LDB2: variants seen among roughly 807,000 people sequenced by gnomAD.
LDB2 encodes LIM domain binding 2, also known as LIM domain-binding protein 2.
LDB2 carries 12 observed loss-of-function variants against 44.3 expected under a neutral mutation model. The observed-to-expected ratio is 0.27, with a 90% CI of 0.17 to 0.44. LDB2 has a LOEUF of 0.44. Ranked by LOEUF, LDB2 falls within the 20% of genes least tolerant of loss-of-function variation. LDB2 has a pLI of 1.00. For synonymous variants in LDB2, 164 were observed against 174.8 expected, an observed-to-expected ratio of 0.94 and a Z score of 0.49; for missense variants, 344 against 473.5, an observed-to-expected ratio of 0.73 and a Z score of 2.54.
intron 6 of LDB2, 70 bp downstream of exon 6, chr4:16,511,911 C>A (rs1021974817): frequency 1.3e-6 from 2 of 1,500,988 alleles, no homozygotes; most frequent in South Asian, 1.3e-5. Flanking sequence ...TCTTCTTTTT[C>A]ACATCACTTC....
At chr4:16,698,846 A>G (rs62298947) in intron 2 of LDB2, among the ~76,000 whole-genome samples, 1,663 of 152,314 alleles carry the variant, frequency 0.011, 19 homozygotes, top group Non-Finnish European at 0.018. Flanking sequence ...CAAGCATCTT[A>G]GTGATCTTCT....
At chr4:16,844,439 A>G (rs759813651) in intron 1 of LDB2, among the ~76,000 whole-genome samples, 3 of 152,092 alleles carry the variant, frequency 2.0e-5, no homozygotes, top group African/African-American at 7.2e-5. Context: ...CTGGAAAAGG[A>G]ACTTCTAAAC....
intron 7 of LDB2, chr4:16,503,135 C>A (rs1250002472): frequency 6.5e-7 from 1 of 1,535,370 alleles, no homozygotes; most frequent in Non-Finnish European, 8.7e-7. Flanking sequence ...TAGCAATCTG[C>A]AGAAATAAAA....
At chr4:16,568,311 C>A (rs2152393893) in intron 5 of LDB2, among the ~76,000 whole-genome samples, 1 of 152,232 alleles carries the variant, frequency 6.6e-6, no homozygotes, top group South Asian at 2.1e-4. Flanking sequence ...TCCTTAGTTT[C>A]AGATATCGAG....
chr4:16,897,402 C>T (rs921790974), intron 1 of LDB2, among the ~76,000 whole-genome samples: 5 of 152,142 alleles, frequency 3.3e-5, no homozygotes, highest in Non-Finnish European at 1.5e-5. Context: ...ACACAAAGCC[C>T]CAACTTACAG....
chr4:16,856,661 A>G (rs562358970), intron 1 of LDB2, among the ~76,000 whole-genome samples: 16 of 152,268 alleles, frequency 1.1e-4, no homozygotes, highest in African/African-American at 3.9e-4. Flanking sequence ...CTGTAATTCT[A>G]CCCTTAAGTA....
intron 2 of LDB2, among the ~76,000 whole-genome samples, chr4:16,699,392 T>C (rs553774593): frequency 6.6e-6 from 1 of 152,352 alleles, no homozygotes; most frequent in Non-Finnish European, 1.5e-5. Flanking sequence ...CCTGATGATA[T>C]TGTCAAGTAA....
At chr4:16,795,267 G>A (rs1218021960) in intron 1 of LDB2, among the ~76,000 whole-genome samples, 1 of 152,206 alleles carries the variant, frequency 6.6e-6, no homozygotes, top group Non-Finnish European at 1.5e-5. Flanking sequence ...CAGAAAGAGA[G>A]CCTGTGGTGG....
chr4:16,848,397 T>C (rs1021686644), intron 1 of LDB2, among the ~76,000 whole-genome samples: 2 of 152,218 alleles, frequency 1.3e-5, no homozygotes, highest in African/African-American at 4.8e-5. Context: ...AAATCTTGAG[T>C]ATTCACATAT....
At chr4:16,620,322 T>G (rs1578252999) in intron 2 of LDB2, among the ~76,000 whole-genome samples, 1 of 152,112 alleles carries the variant, frequency 6.6e-6, no homozygotes, top group South Asian at 2.1e-4. Flanking sequence ...AAATGTAAGG[T>G]GCAGGCAAGA....
intron 2 of LDB2, among the ~76,000 whole-genome samples, chr4:16,667,450 C>T (rs1268083011): frequency 6.6e-6 from 1 of 152,196 alleles, no homozygotes; most frequent in African/African-American, 2.4e-5. Flanking sequence ...AGAGGTGGGA[C>T]AATTTGGCTA....
intron 2 of LDB2, among the ~76,000 whole-genome samples, chr4:16,731,198 A>G (rs1444507408): frequency 1.3e-5 from 2 of 152,210 alleles, no homozygotes; most frequent in Admixed American, 6.5e-5. Context: ...CTGGAATGGA[A>G]TGGAATGAAA....
At chr4:16,509,759 G>C (rs1174114350) in intron 6 of LDB2, among the ~76,000 whole-genome samples, 3 of 152,146 alleles carry the variant, frequency 2.0e-5, no homozygotes, top group African/African-American at 7.2e-5. Context: ...TGACTGTGAT[G>C]GAGAGAAGGC....
At chr4:16,643,411 G>T in intron 2 of LDB2, among the ~76,000 whole-genome samples, 1 of 152,286 alleles carries the variant, frequency 6.6e-6, no homozygotes, top group South Asian at 2.1e-4. Flanking sequence ...CAGGTATCAA[G>T]AAGTCATTAA....
intron 5 of LDB2, among the ~76,000 whole-genome samples, chr4:16,549,187 C>G (rs1736800162): frequency 6.6e-6 from 1 of 152,174 alleles, no homozygotes; most frequent in Non-Finnish European, 1.5e-5. Flanking sequence ...CAAAGTTTTT[C>G]CTGGTTTCAT....
intron 1 of LDB2, among the ~76,000 whole-genome samples, chr4:16,866,590 G>A (rs979025320): frequency 2.0e-5 from 3 of 152,082 alleles, no homozygotes; most frequent in Non-Finnish European, 4.4e-5. Flanking sequence ...AAGACAGGGT[G>A]AAAAGAAGTT....
At chr4:16,741,638 T>C (rs904184564) in intron 2 of LDB2, 5 of 152,204 alleles carry the variant, frequency 3.3e-5, no homozygotes, top group African/African-American at 1.2e-4. Context: ...ATGCAAAAAC[T>C]CCAAGATGTA....
At chr4:16,732,365 G>A (rs1243297078) in intron 2 of LDB2, among the ~76,000 whole-genome samples, 3 of 152,290 alleles carry the variant, frequency 2.0e-5, no homozygotes, top group Non-Finnish European at 2.9e-5. Flanking sequence ...AGCTCCAAAT[G>A]TTACTTCATT....
intron 2 of LDB2, among the ~76,000 whole-genome samples, chr4:16,617,205 C>A (rs1727573600): frequency 6.6e-6 from 1 of 151,774 alleles, no homozygotes; most frequent in African/African-American, 2.4e-5. Flanking sequence ...AATGCAAGAC[C>A]ATAAAGATGA....
Sources: gnomAD v4.1 joint callset for allele counts (sites outside exome capture counted in the v4.1 genomes callset) on GRCh38, gnomAD v4.1.1 for gene constraint, MANE v1.5 for transcripts, NCBI Gene and HGNC (gene_info 2026-07-23, HGNC 2026-07-21) for gene names.